The following NFIA variants were observed in gnomAD, a reference collection of about 807,000 sequenced individuals.
The protein encoded by NFIA is nuclear factor 1 A-type.
In NFIA, 8 loss-of-function variants were observed where a neutral mutation model predicts 62.8. The ratio of observed to expected loss-of-function variants is 0.13; its 90% confidence interval spans 0.07 to 0.23. The LOEUF (loss-of-function observed/expected upper bound fraction) is 0.23. NFIA is among the 10% of genes least tolerant of loss of function. NFIA has a pLI of 1.00. For synonymous variants in NFIA, 235 were observed against 238.1 expected (o/e 0.99, Z 0.12); for missense variants, 410 against 642.1 (o/e 0.64, Z 3.91).
At chr1:61,083,583 C>A (rs1324610996) in intron 1 of NFIA, among the ~76,000 whole-genome samples, 2 of 151,674 alleles carry the variant, frequency 1.3e-5, no homozygotes, top group East Asian at 3.9e-4. Context: ...GCGTCCTCGC[C>A]GCGCGCCGGT....
chr1:61,268,414 C>G (rs1490922864), intron 2 of NFIA, among the ~76,000 whole-genome samples: 1 of 151,988 alleles, frequency 6.6e-6, no homozygotes, highest in Non-Finnish European at 1.5e-5. Flanking sequence ...TCCCCTGCCC[C>G]CACCCCCCGA....
intron 2 of NFIA, among the ~76,000 whole-genome samples, chr1:61,239,154 CTT>C (rs1464425166): frequency 6.6e-6 from 1 of 152,084 alleles, no homozygotes; most frequent in Non-Finnish European, 1.5e-5. Context: ...TGGAATGACA[CTT>C]TTAATTTTAA....
In NFIA at chr1:61,088,818, A is replaced by C; in HGVS notation, c.559+138A>C. Reference sequence around the variant, plus strand: ...GAAGCCAGTGTGGTTTCAAAGATTGAGAGAGGTGCCACCTTCATTCAGGTG... The same window carrying C: ...GAAGCCAGTGTGGTTTCAAAGATTGCGAGAGGTGCCACCTTCATTCAGGTG... On this transcript the variant is annotated intron_variant, in intron 2 of 10. Coordinates refer to ENST00000403491, the MANE Select transcript of NFIA (RefSeq NM_001134673.4). The surrounding 1 kb of genome is among the most constrained non-coding windows in gnomAD (Gnocchi z 4.5). 1.0e-6 allele frequency: 1 copy of C among 964,290 alleles called. No individual in the cohort carries two copies. Among genetic ancestry groups the C allele is most frequent in the South Asian group, 1.8e-5 (1 of 56,538 alleles). The allele number at this position is 964,290 out of a possible 1,614,324, so 59.7% of individuals were successfully genotyped here. A position where few individuals can be genotyped will look rare whatever the true frequency, so the allele number is the denominator to read the frequency against.
In NFIA at chr1:61,088,556, T is replaced by G; in HGVS notation, c.435T>G (p.Thr145=). 6.2e-7 allele frequency: 1 copy of G among 1,614,208 alleles called. No individual in the cohort carries two copies. The highest frequency in any genetic ancestry group is 8.5e-7 in the Non-Finnish European group (1 of 1,180,026). The stretch of plus-strand genomic sequence containing the variant: ...TTAAAGGTATTCCGCTGGAAAGTAC[T>G]GATGGCGAGCGCCTTGTAAAGTCCC... ...ILFKGIPLES[T]DGERLVKSPQ... The change falls in exon 2 of 11, where the codon ACT becomes ACG. Residue 145 remains threonine, a synonymous_variant. Transcript: ENST00000403491. This position sits in a 1 kb window ranked among gnomAD's most constrained non-coding sequence, Gnocchi z 4.5.
chr1:61,227,505 G>A (rs114227396), intron 2 of NFIA, among the ~76,000 whole-genome samples: 2,039 of 152,244 alleles, frequency 0.013, 13 homozygotes, highest in Non-Finnish European at 0.021. Context: ...TCTTTCATCA[G>A]GGCGTAAAAA....
At chr1:61,168,998 C>A (rs1649767483) in intron 2 of NFIA, among the ~76,000 whole-genome samples, 1 of 152,178 alleles carries the variant, frequency 6.6e-6, no homozygotes, top group Non-Finnish European at 1.5e-5. Flanking sequence ...ACCTGTGAAA[C>A]TTCTGCTCCT....
chr1:61,431,383 C>T (rs1667091102), intron 10 of NFIA, among the ~76,000 whole-genome samples: 1 of 152,278 alleles, frequency 6.6e-6, no homozygotes, highest in African/African-American at 2.4e-5. Context: ...CCAATGAGGA[C>T]TAATTCTTTA....
intron 4 of NFIA, among the ~76,000 whole-genome samples, chr1:61,337,160 A>C (rs1311015758): frequency 6.6e-6 from 1 of 152,160 alleles, no homozygotes; most frequent in East Asian, 1.9e-4. Context: ...GCTTAGCCTC[A>C]CAAATTCAGA....
intron 2 of NFIA, among the ~76,000 whole-genome samples, chr1:61,175,820 G>A (rs180844319): frequency 6.6e-6 from 1 of 152,282 alleles, no homozygotes; most frequent in East Asian, 1.9e-4. Context: ...TTCCTCACTT[G>A]CTCATGCAAC....
rs145776019 is a variant in NFIA at position 61,438,108 on chromosome 1, C to T, written c.1512+11552C>T. On this transcript the variant is annotated intron_variant, in intron 10 of 10. Coordinates refer to ENST00000403491, the MANE Select transcript of NFIA (RefSeq NM_001134673.4). ...ACCTGTGGTCATGAGGTACCTTCCT[C>T]TTCTGGGCAGCATAATGTAGTGGAA... Among the ~76,000 whole-genome samples, 20 of 152,208 alleles carry T rather than the reference C, an allele frequency of 1.3e-4. No individual in the cohort carries two copies. The East Asian group carries it at 3.9e-3, about 29-fold the overall frequency.
chr1:61,332,463 ATGTCT>A, intron 3 of NFIA, 44 bp from the exon 4 acceptor site: 1 of 1,526,620 alleles, frequency 6.6e-7, no homozygotes, highest in East Asian at 2.3e-5. Context: ...CTGTTGTCAA[ATGTCT>A]TGTATTTATG....
At chr1:61,291,842 A>G (rs1283635020) in intron 3 of NFIA, among the ~76,000 whole-genome samples, 1 of 152,218 alleles carries the variant, frequency 6.6e-6, no homozygotes, top group Non-Finnish European at 1.5e-5. Context: ...TGGTGACATA[A>G]TGTCATATGA....
chr1:61,105,201 T>C (rs1646574666), intron 2 of NFIA, among the ~76,000 whole-genome samples: 1 of 152,032 alleles, frequency 6.6e-6, no homozygotes. Flanking sequence ...CAGTTGTTTA[T>C]AAAGTATTAA....
At chr1:61,271,725 A>G (rs747240819) in intron 2 of NFIA, among the ~76,000 whole-genome samples, 5 of 152,224 alleles carry the variant, frequency 3.3e-5, no homozygotes, top group Non-Finnish European at 7.3e-5. Flanking sequence ...ACCCCGCCAC[A>G]GCTCCCCATC....
At chr1:61,245,734 C>A (rs896303646) in intron 2 of NFIA, among the ~76,000 whole-genome samples, 1 of 151,984 alleles carries the variant, frequency 6.6e-6, no homozygotes, top group African/African-American at 2.4e-5. Context: ...ACATTCTCCT[C>A]TCTGTGTATC....
chr1:61,455,197 C>A, intron 10 of NFIA, 106 bp from the exon 11 acceptor site: 1 of 1,132,520 alleles, frequency 8.8e-7, no homozygotes, highest in Non-Finnish European at 1.3e-6. Context: ...CGAATCCCTC[C>A]CGCATCCCTA....
At chr1:61,183,508 G>A (rs1650898584) in intron 2 of NFIA, among the ~76,000 whole-genome samples, 5 of 152,224 alleles carry the variant, frequency 3.3e-5, no homozygotes, top group Admixed American at 3.3e-4. Context: ...CACTAAAAGG[G>A]TGGGAACACC....
chr1:61,460,465 C>T lies in NFIA; in HGVS notation c.*5145C>T, dbSNP rs1390133730. 1 of 152,172 alleles carries T rather than the reference C, an allele frequency of 6.6e-6. No homozygotes were observed. The highest frequency in any genetic ancestry group is 1.5e-5 in the Non-Finnish European group (1 of 68,034). The allele number at this position is 152,172 out of a possible 1,614,324, so 9.4% of individuals were successfully genotyped here. On this transcript the variant is annotated 3_prime_UTR_variant, in exon 11 of 11. Transcript: ENST00000403491. ...ATTTACACAAATGTGACAACTTGGG[C>T]TCAATTCACTCTGCTTTCCAACAGT...
rs920104910 is a variant in NFIA at position 61,088,514 on chromosome 1, T to C, written c.393T>C (p.Leu131=). 2.5e-6 allele frequency: 4 copies of C among 1,614,022 alleles called. No individual in the cohort carries two copies. Among genetic ancestry groups the C allele is most frequent in the South Asian group, 1.1e-5 (1 of 91,078 alleles). ...CAGATAAAGTCTGGAGGTTGGACCT[T>C]GTTATGGTGATTTTGTTTAAAGGTA... is the stretch of plus-strand genomic sequence containing the variant. ...RQADKVWRLD[L]VMVILFKGIP... The change falls in exon 2 of 11, where the codon CTT becomes CTC. Residue 131 remains leucine, a synonymous_variant. Coordinates refer to ENST00000403491, the MANE Select transcript of NFIA (RefSeq NM_001134673.4). The surrounding 1 kb of genome is among the most constrained non-coding windows in gnomAD (Gnocchi z 4.5).
Sources: allele counts gnomAD v4.1 joint callset (sites outside exome capture counted in the v4.1 genomes callset), GRCh38; gene constraint gnomAD v4.1.1; non-coding constraint Gnocchi (gnomAD v3.1); transcripts MANE v1.5; gene names NCBI Gene and HGNC (gene_info 2026-07-23, HGNC 2026-07-21).